The following PRKAR1A variants were observed in gnomAD, a reference collection of about 807,000 sequenced individuals.
The protein encoded by PRKAR1A is cAMP-dependent protein kinase type I-alpha regulatory subunit.
Under a neutral mutation model 52.0 loss-of-function variants are expected in PRKAR1A, and 3 were observed. The observed-to-expected ratio is 0.06, with a 90% CI of 0.03 to 0.15. The LOEUF is 0.15. PRKAR1A is among the 10% of genes least tolerant of loss of function. PRKAR1A has a pLI of 1.00. For synonymous variants in PRKAR1A, 188 were observed against 168.4 expected (o/e 1.12, Z -0.90); for missense variants, 240 against 477.4 (o/e 0.50, Z 4.63).
chr17:68,486,507 T>TTCCTTCCTTCCTTCCTTCCC, the PRKAR1A span, among the ~76,000 whole-genome samples: 328 of 40,492 alleles, frequency 8.1e-3, 5 homozygotes, highest in African/African-American at 0.014. Context: ...CCTTCCTTCC[T>TTCCTTCCTTCCTTCCTTCCC]TCTTTCTTTC....
At chr17:68,436,334 C>T in the PRKAR1A span, 1 of 1,571,190 alleles carries the variant, frequency 6.4e-7, no homozygotes, top group Non-Finnish European at 8.8e-7. Context: ...TCCATGACCA[C>T]ACAGCCAAGG....
chr17:68,420,081 G>T, the PRKAR1A span: 1 of 1,272,372 alleles, frequency 7.9e-7, no homozygotes. Context: ...TGGAACATTT[G>T]GTTATCTGGT....
intron 3 of PRKAR1A, 27 bp downstream of exon 3, chr17:68,522,953 G>A (rs2143276564): frequency 1.2e-6 from 2 of 1,611,178 alleles, no homozygotes; most frequent in African/African-American, 1.3e-5. Flanking sequence ...AATATCGGGG[G>A]GATGCTTTTG....
chr17:68,434,434 A>T, the PRKAR1A span: 1 of 950,338 alleles, frequency 1.1e-6, no homozygotes, highest in South Asian at 1.7e-5. Context: ...GAGAGTAGTT[A>T]CACTTCCTCC....
chr17:68,526,039 G>A (rs1396656462), intron 7 of PRKAR1A, 127 bp downstream of exon 7: 15 of 1,215,878 alleles, frequency 1.2e-5, no homozygotes, highest in African/African-American at 5.6e-5. Flanking sequence ...TTTAATAAGC[G>A]AATATTTTTC....
chr17:68,436,473 C>T, the PRKAR1A span: 1 of 1,613,828 alleles, frequency 6.2e-7, no homozygotes, highest in East Asian at 2.2e-5. Flanking sequence ...AGAGAGAGCA[C>T]ATAGACCTGG....
chr17:68,546,567 G>C (rs979977629), intron 11 of PRKAR1A, among the ~76,000 whole-genome samples: 1 of 151,810 alleles, frequency 6.6e-6, no homozygotes, highest in Non-Finnish European at 1.5e-5. Context: ...GTGGTGGCTC[G>C]CGCCTATAAT....
At chr17:68,425,924 C>T in the PRKAR1A span, 59 of 659,946 alleles carry the variant, frequency 8.9e-5, 1 homozygote, top group African/African-American at 7.5e-4. Context: ...CACAGTACAA[C>T]AAATATCCTA....
chr17:68,492,435 A>G, the PRKAR1A span, among the ~76,000 whole-genome samples: 1 of 152,156 alleles, frequency 6.6e-6, no homozygotes, highest in African/African-American at 2.4e-5. Flanking sequence ...GGGTGAGCAG[A>G]AAATCAGCCA....
In PRKAR1A at chr17:68,530,796, ATTTT is replaced by A; in HGVS notation, c.*354_*357del. On this transcript the variant is annotated 3_prime_UTR_variant, in exon 11 of 11. Coordinates refer to ENST00000589228, the MANE Select transcript of PRKAR1A (RefSeq NM_002734.5). Reference sequence around the variant, plus strand: ...TAGAGTAATGATGTAACAGTGCAAGATTTTTTTTTTAAGTGACATAATTGTCCAG... The same window carrying A: ...TAGAGTAATGATGTAACAGTGCAAGATTTTTTAAGTGACATAATTGTCCAG... The A allele has an allele frequency of 1.7e-6, 2 of 1,197,394 alleles. No homozygotes were observed. Among genetic ancestry groups the A allele is most frequent in the Non-Finnish European group, 2.1e-6 (2 of 945,696 alleles). 74.2% of individuals were successfully genotyped at this position (1,197,394 alleles called of 1,614,324 possible).
chr17:68,437,948 T>TAAAAAAAAAAAAAAAAAAA, the PRKAR1A span, among the ~76,000 whole-genome samples: 3 of 78,802 alleles, frequency 3.8e-5, no homozygotes, highest in Non-Finnish European at 5.1e-5. Context: ...ACATCTCTCT[T>TAAAAAAAAAAAAAAAAAAA]AAAAAAAAAA....
At chr17:68,514,062 G>A (rs1023158687) in intron 1 of PRKAR1A, among the ~76,000 whole-genome samples, 1 of 152,054 alleles carries the variant, frequency 6.6e-6, no homozygotes, top group African/African-American at 2.4e-5. Context: ...GTAAATGCGC[G>A]TTTTTGTTTT....
the PRKAR1A span, chr17:68,435,629 C>T: frequency 1.1e-4 from 179 of 1,614,124 alleles, no homozygotes; most frequent in Middle Eastern, 1.7e-4. Context: ...CTTTTTCAGA[C>T]GCACTTGCTA....
the PRKAR1A span, chr17:68,421,334 A>G: frequency 6.2e-6 from 1 of 162,032 alleles, no homozygotes; most frequent in African/African-American, 2.4e-5. Context: ...CAAGTAATAA[A>G]TGATTTATTC....
At chr17:68,428,651 C>G in the PRKAR1A span, 2 of 571,734 alleles carry the variant, frequency 3.5e-6, no homozygotes, top group Middle Eastern at 4.7e-4. Flanking sequence ...TTACCACATG[C>G]TGAGGGCACC....
At chr17:68,444,731 GT>G in the PRKAR1A span, 1 of 619,094 alleles carries the variant, frequency 1.6e-6, no homozygotes, top group Non-Finnish European at 2.7e-6. Context: ...TGAAGATTGT[GT>G]TTATGGATGT....
chr17:68,549,976 A>C (rs539718876), intron 11 of PRKAR1A, among the ~76,000 whole-genome samples: 1 of 152,360 alleles, frequency 6.6e-6, no homozygotes, highest in African/African-American at 2.4e-5. Context: ...TGGCATAGTT[A>C]GCCAACCACT....
chr17:68,452,978 C>A, the PRKAR1A span: 10 of 1,613,868 alleles, frequency 6.2e-6, no homozygotes, highest in South Asian at 2.2e-5. Context: ...GGCTTTAGTT[C>A]CAGTTGCTAG....
the PRKAR1A span, among the ~76,000 whole-genome samples, chr17:68,463,194 G>A: frequency 1.3e-5 from 2 of 152,142 alleles, no homozygotes; most frequent in Non-Finnish European, 2.9e-5. Context: ...TTAGTTCTAG[G>A]ATGGTTGGGG....
Sources: gnomAD v4.1 joint callset for allele counts (sites outside exome capture counted in the v4.1 genomes callset) on GRCh38, gnomAD v4.1.1 for gene constraint, MANE v1.5 for transcripts, NCBI Gene and HGNC (gene_info 2026-07-23, HGNC 2026-07-21) for gene names.